AVEN: variants seen among roughly 807,000 people sequenced by gnomAD.
AVEN encodes the protein apoptosis and caspase activation inhibitor, also known as cell death regulator Aven.
In AVEN, 41 loss-of-function variants were observed where a neutral mutation model predicts 38.1. That is an observed-to-expected ratio of 1.08 (90% confidence interval 0.84 to 1.40). The LOEUF is 1.40. Ranked by LOEUF, AVEN falls within the 40% of genes most tolerant of loss-of-function variation. The pLI, the probability that AVEN is intolerant of heterozygous loss-of-function variation, is 0.00. For synonymous variants in AVEN, 206 were observed against 171.8 expected, an observed-to-expected ratio of 1.20 and a Z score of -1.56; for missense variants, 605 against 438.8, an observed-to-expected ratio of 1.38 and a Z score of -3.38.
intron 2 of AVEN, among the ~76,000 whole-genome samples, chr15:33,952,220 C>G (rs1211413938): frequency 6.6e-6 from 1 of 152,166 alleles, no homozygotes; most frequent in Non-Finnish European, 1.5e-5. Flanking sequence ...ATAAGTCAGC[C>G]TGTCTTCCAC....
At chr15:33,852,253 C>G in the AVEN span, 3 of 152,164 alleles carry the variant, frequency 2.0e-5, no homozygotes, top group Admixed American at 6.5e-5. Flanking sequence ...GGAACCCCCC[C>G]ACAGGAAGGA....
chr15:33,937,361 A>G (rs951525216), intron 2 of AVEN, among the ~76,000 whole-genome samples: 95 of 150,840 alleles, frequency 6.3e-4, no homozygotes, highest in Admixed American at 3.2e-3. Flanking sequence ...GGTGAAACCC[A>G]TCTCTACTAA....
At chr15:33,929,149 C>T (rs1041396159) in intron 2 of AVEN, among the ~76,000 whole-genome samples, 7 of 152,174 alleles carry the variant, frequency 4.6e-5, no homozygotes, top group Middle Eastern at 6.8e-3. Context: ...GGGTGCCTGA[C>T]CTAGAATACC....
At chr15:34,015,904 C>A (rs562145776) in intron 1 of AVEN, among the ~76,000 whole-genome samples, 1 of 152,328 alleles carries the variant, frequency 6.6e-6, no homozygotes, top group East Asian at 1.9e-4. Flanking sequence ...ACAGTACATT[C>A]CTGGCTCCTT....
chr15:33,965,245 A>G (rs976141507), intron 2 of AVEN, among the ~76,000 whole-genome samples: 1 of 152,224 alleles, frequency 6.6e-6, no homozygotes, highest in African/African-American at 2.4e-5. Context: ...ACAAGAATTT[A>G]AAAGCATATT....
At chr15:33,981,610 G>C (rs534879504) in intron 2 of AVEN, among the ~76,000 whole-genome samples, 3 of 152,168 alleles carry the variant, frequency 2.0e-5, no homozygotes, top group African/African-American at 7.2e-5. Flanking sequence ...CACAGGGGGC[G>C]AGAGTGCAAT....
rs1438125586 is a variant in AVEN at position 34,039,196 on chromosome 15, G to T, written c.-150C>A. ...GGGTGCGGGGCTAGGGATCGAGGCC[G>T]GCCGCAGCGGAGCGGGGCGGGGCGG... On this transcript the variant is annotated 5_prime_UTR_variant, in exon 1 of 6. Transcript: ENST00000306730. The T allele has an allele frequency of 1.4e-5, 9 of 635,264 alleles. 1 individual carries two copies. The East Asian group carries it at 3.5e-4, about 25-fold the overall frequency. 39.4% of individuals were successfully genotyped at this position (635,264 alleles called of 1,614,324 possible). A position where few individuals can be genotyped will look rare whatever the true frequency, so the allele number is the denominator to read the frequency against.
At chr15:33,855,880 A>G (rs148400946), downstream of AVEN, 216 of 152,318 alleles carry the variant, frequency 1.4e-3, no homozygotes, top group African/African-American at 4.9e-3. Flanking sequence ...CTCCTTGTAT[A>G]CAGATTCAAA....
At chr15:34,001,946 G>A (rs181703174) in intron 2 of AVEN, among the ~76,000 whole-genome samples, 1 of 152,268 alleles carries the variant, frequency 6.6e-6, no homozygotes, top group Admixed American at 6.5e-5. Context: ...TTACTTCCCT[G>A]CTTCTCACAT....
downstream of AVEN, among the ~76,000 whole-genome samples, chr15:33,855,405 T>C (rs1240540422): frequency 6.6e-6 from 1 of 152,244 alleles, no homozygotes; most frequent in African/African-American, 2.4e-5. Flanking sequence ...GGTTTCACCA[T>C]GTTGGCCAGG....
chr15:34,052,111 A>C (rs1899943826), intron 5 of AVEN, among the ~76,000 whole-genome samples: 2 of 151,342 alleles, frequency 1.3e-5, no homozygotes, highest in Non-Finnish European at 2.9e-5. Flanking sequence ...AAATACTGGC[A>C]AATGAAATCC....
chr15:33,902,783 G>A (rs1027233672), intron 2 of AVEN, among the ~76,000 whole-genome samples: 1 of 152,054 alleles, frequency 6.6e-6, no homozygotes, highest in Non-Finnish European at 1.5e-5. Context: ...AGTTGAAAAA[G>A]AAATCAAGAC....
intron 1 of AVEN, among the ~76,000 whole-genome samples, chr15:34,033,954 A>G (rs1898985276): frequency 1.3e-5 from 2 of 152,122 alleles, no homozygotes; most frequent in Admixed American, 1.3e-4. Context: ...TGCCCAGCTA[A>G]CTTTTGTATC....
intron 5 of AVEN, among the ~76,000 whole-genome samples, chr15:34,052,383 C>A (rs1899955528): frequency 6.6e-6 from 1 of 152,140 alleles, no homozygotes; most frequent in African/African-American, 2.4e-5. Context: ...GACTCACAGC[C>A]AATGTCATAC....
chr15:33,951,325 A>G (rs1306946097), intron 2 of AVEN, among the ~76,000 whole-genome samples: 1 of 152,070 alleles, frequency 6.6e-6, no homozygotes, highest in African/African-American at 2.4e-5. Flanking sequence ...GACCATGTCA[A>G]TTTAATACTT....
chr15:33,858,287 C>G, downstream of AVEN: 1 of 186,014 alleles, frequency 5.4e-6, no homozygotes, highest in South Asian at 1.2e-4. Flanking sequence ...TCATTGCAAC[C>G]TCCGCCTCTC....
At chr15:33,910,265 G>GA (rs1472521552) in intron 2 of AVEN, among the ~76,000 whole-genome samples, 2 of 152,098 alleles carry the variant, frequency 1.3e-5, no homozygotes, top group East Asian at 1.9e-4. Flanking sequence ...AAAGAAGTGT[G>GA]AAAAAACAAG....
downstream of AVEN, chr15:33,864,297 T>C: frequency 1.2e-6 from 1 of 826,046 alleles, no homozygotes. Flanking sequence ...ATTAATCCCG[T>C]GAATGCATTT....
intron 2 of AVEN, among the ~76,000 whole-genome samples, chr15:33,906,730 G>A (rs551361136): frequency 2.6e-5 from 4 of 152,290 alleles, no homozygotes; most frequent in Non-Finnish European, 4.4e-5. Context: ...GGGTGGTGGA[G>A]AGAAGACAAT....
Sources: allele counts gnomAD v4.1 joint callset (sites outside exome capture counted in the v4.1 genomes callset), GRCh38; gene constraint gnomAD v4.1.1; transcripts MANE v1.5; gene names NCBI Gene and HGNC (gene_info 2026-07-23, HGNC 2026-07-21).